MGAT4C: variants seen among roughly 807,000 people sequenced by gnomAD.
MGAT4C encodes MGAT4 family member C, also known as alpha-1,3-mannosyl-glycoprotein 4-beta-N-acetylglucosaminyltransferase C.
Under a neutral mutation model 40.1 loss-of-function variants are expected in MGAT4C, and 19 were observed. The ratio of observed to expected loss-of-function variants is 0.47; its 90% CI spans 0.33 to 0.70. MGAT4C has a LOEUF of 0.70. MGAT4C is among the 30% of genes least tolerant of loss of function. The pLI, the probability that MGAT4C is intolerant of heterozygous loss-of-function variation, is 0.02. For missense variants in MGAT4C, 491 were observed against 563.2 expected (o/e 0.87, Z 1.30); for synonymous variants, 181 against 187.1 (o/e 0.97, Z 0.27).
At chr12:86,157,594 T>C (rs1018324379) in intron 1 of MGAT4C, among the ~76,000 whole-genome samples, 2 of 152,014 alleles carry the variant, frequency 1.3e-5, no homozygotes, top group Non-Finnish European at 2.9e-5. Context: ...TGAGATTGGG[T>C]TATTTATAAA....
chr12:86,489,856 G>A (rs1285488794), intron 2 of MGAT4C, among the ~76,000 whole-genome samples: 2 of 152,210 alleles, frequency 1.3e-5, no homozygotes, highest in Non-Finnish European at 2.9e-5. Flanking sequence ...AATGAAGCGA[G>A]AAGGGAAGTT....
In MGAT4C at chr12:85,980,327, C is replaced by G; in HGVS notation, c.399G>C (p.Lys133Asn). 3.1e-6 allele frequency: 5 copies of G among 1,613,914 alleles called. No homozygotes were observed. The highest frequency in any genetic ancestry group is 2.5e-6 in the Non-Finnish European group (3 of 1,179,900). The change falls in exon 5 of 5, where the codon AAG (lysine) becomes AAC (asparagine). Residue 133 changes from lysine to asparagine, a missense_variant. Physicochemically the swap from Lys to Asn is moderately conservative, Grantham distance 94. Coordinates refer to ENST00000611864, the MANE Select transcript of MGAT4C (RefSeq NM_001351288.2). ...CTAGGTGAACCACCACTGAAATTTC[C>G]TTCAGCTCTTCATAGCTGGATTGCT... ...IFEQSSYEEL[K>N]EISVVVHLAD...
At position 86,459,002 on chromosome 12, in the gene MGAT4C, T is replaced by A. The variant is rs536393737; in HGVS notation, c.-228-23737A>T. Among the ~76,000 whole-genome samples the A allele has an allele frequency of 2.6e-5, 4 of 152,250 alleles. No individual in the cohort carries two copies. In the East Asian group the frequency reaches 7.7e-4, roughly 29 times the overall value. On this transcript the variant is annotated intron_variant, in intron 2 of 7. Coordinates refer to the MGAT4C transcript ENST00000548651. ...TAGGCTCATCACTACACTCGCTTCC[T>A]AGAGAAGAAGTCTAATGAGAAGGCA...
intron 1 of MGAT4C, among the ~76,000 whole-genome samples, chr12:86,769,489 A>G (rs1010458796): frequency 1.3e-5 from 2 of 152,194 alleles, no homozygotes; most frequent in African/African-American, 4.8e-5. Context: ...TAGAAATACC[A>G]TTTGACCCAG....
chr12:86,010,554 C>G (rs1029955813), intron 2 of MGAT4C, among the ~76,000 whole-genome samples: 1 of 152,030 alleles, frequency 6.6e-6, no homozygotes, highest in Non-Finnish European at 1.5e-5. Flanking sequence ...GGTGCACACC[C>G]GTAATCTCAG....
intron 4 of MGAT4C, among the ~76,000 whole-genome samples, chr12:86,316,609 G>A (rs1954239465): frequency 6.6e-6 from 1 of 152,072 alleles, no homozygotes; most frequent in Admixed American, 6.6e-5. Context: ...GATAATTAAT[G>A]CAGGTACAAA....
chr12:86,699,371 T>C (rs1208707068), intron 2 of MGAT4C, among the ~76,000 whole-genome samples: 4 of 152,184 alleles, frequency 2.6e-5, no homozygotes, highest in African/African-American at 4.8e-5. Context: ...AGAAAAAATA[T>C]ACGTATTTTG....
At chr12:86,452,055 A>G (rs1957431773) in intron 2 of MGAT4C, among the ~76,000 whole-genome samples, 1 of 152,082 alleles carries the variant, frequency 6.6e-6, no homozygotes, top group African/African-American at 2.4e-5. Flanking sequence ...TTATTTAATT[A>G]CTGGCCAGTA....
At chr12:86,535,562 A>G (rs1037693370) in intron 2 of MGAT4C, among the ~76,000 whole-genome samples, 1 of 152,074 alleles carries the variant, frequency 6.6e-6, no homozygotes, top group African/African-American at 2.4e-5. Flanking sequence ...ATTAGACAGC[A>G]TAACAGCTAA....
chr12:86,320,582 T>C (rs575132841), intron 4 of MGAT4C, among the ~76,000 whole-genome samples: 1 of 152,270 alleles, frequency 6.6e-6, no homozygotes, highest in South Asian at 2.1e-4. Context: ...AGATGTACTA[T>C]AGAAAATCAC....
chr12:86,615,470 C>T (rs902373176), intron 2 of MGAT4C, among the ~76,000 whole-genome samples: 2 of 151,946 alleles, frequency 1.3e-5, no homozygotes, highest in East Asian at 1.9e-4. Context: ...AATGGAAACC[C>T]GGTATTAAAC....
intron 2 of MGAT4C, among the ~76,000 whole-genome samples, chr12:86,590,195 T>A (rs1037537709): frequency 1.4e-4 from 21 of 151,240 alleles, no homozygotes; most frequent in Admixed American, 5.3e-4. Flanking sequence ...ACAGCCGCGA[T>A]TCTCTAATAA....
rs560984830 is a variant in MGAT4C at position 86,629,580 on chromosome 12, C to G, written c.-229+97629G>C. On this transcript the variant is annotated intron_variant, in intron 2 of 7. Transcript: ENST00000548651. Reference sequence around the variant, plus strand: ...CTCAGACCACAGTGCAATCAACTTACAACTCAGGATTAAGGAACTCACTCA... The same window carrying G: ...CTCAGACCACAGTGCAATCAACTTAGAACTCAGGATTAAGGAACTCACTCA... Among the ~76,000 whole-genome samples the G allele has an allele frequency of 7.2e-5, 11 of 152,218 alleles. No homozygotes were observed. The East Asian group carries it at 1.7e-3, about 24-fold the overall frequency.
At chr12:86,526,377 A>T (rs948282847) in intron 2 of MGAT4C, among the ~76,000 whole-genome samples, 1 of 152,148 alleles carries the variant, frequency 6.6e-6, no homozygotes, top group Non-Finnish European at 1.5e-5. Context: ...GTGGAGCAAG[A>T]AAAGCAACAC....
At chr12:86,090,653 T>A (rs942474262) in intron 1 of MGAT4C, among the ~76,000 whole-genome samples, 1 of 151,914 alleles carries the variant, frequency 6.6e-6, no homozygotes, top group Non-Finnish European at 1.5e-5. Context: ...AGGCTAGCAA[T>A]TCTTTTGTGA....
At chr12:86,208,061 C>T (rs946166209) in intron 1 of MGAT4C, among the ~76,000 whole-genome samples, 30 of 152,306 alleles carry the variant, frequency 2.0e-4, no homozygotes, top group African/African-American at 6.7e-4. Context: ...TTTAGATAAG[C>T]TTCTTCCTGC....
intron 3 of MGAT4C, among the ~76,000 whole-genome samples, chr12:86,412,107 A>C (rs1956618442): frequency 6.6e-6 from 1 of 152,202 alleles, no homozygotes; most frequent in African/African-American, 2.4e-5. Context: ...CTGGATGTCT[A>C]GTCAGAAGCT....
intron 3 of MGAT4C, among the ~76,000 whole-genome samples, chr12:86,358,526 G>C (rs1955371779): frequency 6.6e-6 from 1 of 152,172 alleles, no homozygotes; most frequent in Non-Finnish European, 1.5e-5. Flanking sequence ...AAAAGTCACA[G>C]ACTGGCAAAC....
chr12:86,787,021 T>C (rs1951941501), intron 1 of MGAT4C, among the ~76,000 whole-genome samples: 5 of 152,186 alleles, frequency 3.3e-5, no homozygotes, highest in South Asian at 2.1e-4. Context: ...TTTACTTTTA[T>C]AGGTTTATTG....
Sources: gnomAD v4.1 joint callset for allele counts (sites outside exome capture counted in the v4.1 genomes callset) on GRCh38, gnomAD v4.1.1 for gene constraint, MANE v1.5 for transcripts, NCBI Gene and HGNC (gene_info 2026-07-23, HGNC 2026-07-21) for gene names.